CELF2: variants seen among roughly 807,000 people sequenced by gnomAD.
CELF2 encodes CUG triplet repeat RNA-binding protein 2.
In CELF2, 8 loss-of-function variants were observed where a neutral mutation model predicts 62.6. The ratio of observed to expected loss-of-function variants is 0.13; its 90% CI spans 0.07 to 0.23. The LOEUF is 0.23. Among genes scored for constraint, CELF2 ranks in the 10% least tolerant of loss-of-function variants. The pLI is 1.00. For synonymous variants in CELF2, 258 were observed against 250.0 expected, an observed-to-expected ratio of 1.03 and a Z score of -0.30; for missense variants, 333 against 671.0, an observed-to-expected ratio of 0.50 and a Z score of 5.56.
At position 11,279,722 on chromosome 10, in the gene CELF2, A is replaced by T. The variant is rs565693481; in HGVS notation, c.841+4602A>T. On this transcript the variant is annotated intron_variant, in intron 8 of 12. Transcript: ENST00000633077. Reference sequence around the variant, plus strand: ...AAGGTGAACATTAAATTAAATTTTCATGCCCTTCTCCTTATAAATAATTTT... The same window carrying T: ...AAGGTGAACATTAAATTAAATTTTCTTGCCCTTCTCCTTATAAATAATTTT... Among the ~76,000 whole-genome samples the T allele has an allele frequency of 2.4e-4, 36 of 152,322 alleles. 1 individual carries two copies. In the South Asian group the frequency reaches 7.1e-3, roughly 30 times the overall value.
rs1041482337 is a variant in CELF2 at position 11,320,999 on chromosome 10, T to C, written c.1097-190T>C. ...CCTAGGGAGTGAGGGTTCTCATGGC[T>C]TAGGTCATTTTCCCCCATTATCACG... On this transcript the variant is annotated intron_variant, in intron 10 of 12. Coordinates refer to ENST00000633077, the MANE Select transcript of CELF2 (RefSeq NM_001326342.2). 9 of 1,398,344 alleles carry C rather than the reference T, an allele frequency of 6.4e-6. No individual in the cohort carries two copies. The African/African-American group carries it at 8.7e-5, about 14-fold the overall frequency. The allele number at this position is 1,398,344 out of a possible 1,614,324, so 86.6% of individuals were successfully genotyped here. A position where few individuals can be genotyped will look rare whatever the true frequency, so the allele number is the denominator to read the frequency against.
At chr10:11,133,026 A>G (rs1055588896) in intron 1 of CELF2, among the ~76,000 whole-genome samples, 1 of 152,220 alleles carries the variant, frequency 6.6e-6, no homozygotes, top group African/African-American at 2.4e-5. Flanking sequence ...TCCATTGATT[A>G]AATACTCCTG....
Position 11,018,065 on chromosome 10 carries a change from G to T in CELF2, c.-25G>T, listed in dbSNP as rs759230394. 7.0e-7 allele frequency: 1 copy of T among 1,419,780 alleles called. No homozygotes were observed. 87.9% of individuals were successfully genotyped at this position (1,419,780 alleles called of 1,614,324 possible). ...GACGCGCGCAGAGCCGCCCCCCGCCGCTGCCGCCGCGTGCGCCCGCGAACA... is the reference window on the plus strand; with the variant it reads ...GACGCGCGCAGAGCCGCCCCCCGCCTCTGCCGCCGCGTGCGCCCGCGAACA... On this transcript the variant is annotated 5_prime_UTR_variant, in exon 1 of 13. Transcript: ENST00000633077.
At chr10:11,084,731 T>G (rs1202892632) in intron 1 of CELF2, among the ~76,000 whole-genome samples, 1 of 151,326 alleles carries the variant, frequency 6.6e-6, no homozygotes, top group Non-Finnish European at 1.5e-5. Flanking sequence ...TTAGTAAAAG[T>G]CCCTAGGAAA....
chr10:10,766,918 C>G, the CELF2 span, among the ~76,000 whole-genome samples: 2 of 152,152 alleles, frequency 1.3e-5, no homozygotes, highest in African/African-American at 4.8e-5. Context: ...CCTTCTAAGC[C>G]CCTGATGGAG....
In CELF2 at chr10:11,325,846, G is replaced by A. The variant is rs983474872; in HGVS notation, c.1305G>A (p.Gly435=). Residue 435 remains glycine, a synonymous_variant, in exon 12 of 13, where the codon GGG becomes GGA. Transcript: ENST00000633077. ...TTTTTTCCTCCTTAGGTCCAGAGGGGGCAAACCTCTTTATTTACCACCTTC... is the reference window on the plus strand; with the variant it reads ...TTTTTTCCTCCTTAGGTCCAGAGGGAGCAAACCTCTTTATTTACCACCTTC... The part of the protein sequence containing the change: ...AAGSQKEGPE[G]ANLFIYHLPQ... The A allele has an allele frequency of 1.9e-6, 3 of 1,613,322 alleles. No individual in the cohort carries two copies. The highest frequency in any genetic ancestry group is 4.5e-5 in the East Asian group (2 of 44,874).
rs1200561865 is a variant in CELF2, at chr10:11,119,657, GA to G, written c.75-45822del. On this transcript the variant is annotated intron_variant, in intron 1 of 12. Coordinates refer to ENST00000633077, the MANE Select transcript of CELF2 (RefSeq NM_001326342.2). ...TTATTTTAAAAATCAAAAACCCTAG[GA>G]AAAAAATGAGTGAGGGATACAAACA... 2.0e-5 allele frequency among the ~76,000 whole-genome samples: 3 copies of G among 151,616 alleles called. No homozygotes were observed. The East Asian group carries it at 5.8e-4, about 29-fold the overall frequency.
rs1472647663 is a variant in CELF2 at position 11,329,524 on chromosome 10, C to A, written c.*471C>A. 3 of 152,666 alleles carry A rather than the reference C, an allele frequency of 2.0e-5. No homozygotes were observed. Among genetic ancestry groups the A allele is most frequent in the Non-Finnish European group, 4.4e-5 (3 of 68,082 alleles). The allele number at this position is 152,666 out of a possible 1,614,324, so 9.5% of individuals were successfully genotyped here. ...CCGGCGCCCGCCCCCGGAGGGAGGG[C>A]CCGGTGCTTAGAGGTTAACTTGGTG... is the stretch of plus-strand genomic sequence containing the variant. On this transcript the variant is annotated 3_prime_UTR_variant, in exon 13 of 13. Transcript: ENST00000633077. This position sits in a 1 kb window ranked among gnomAD's most constrained non-coding sequence, Gnocchi z 5.5.
At chr10:10,627,704 A>G in the CELF2 span, among the ~76,000 whole-genome samples, 9 of 152,192 alleles carry the variant, frequency 5.9e-5, no homozygotes, top group Non-Finnish European at 5.9e-5. Context: ...CCTTGAACCC[A>G]GCAGCCCCTC....
intron 2 of CELF2, among the ~76,000 whole-genome samples, chr10:10,954,285 G>C (rs113561364): frequency 6.7e-6 from 1 of 150,324 alleles, no homozygotes; most frequent in Non-Finnish European, 1.5e-5. Context: ...TTGTTCTGTC[G>C]CCCAGGCTGG....
chr10:11,314,452 C>T lies in CELF2; in HGVS notation c.1096+194C>T, dbSNP rs1430948096. ...TTGCCTCAGAAAATCCCCAACCACT[C>T]TCCACCCCCAGATTCTCTTCAGTGT... On this transcript the variant is annotated intron_variant, in intron 10 of 12. Coordinates refer to ENST00000633077, the MANE Select transcript of CELF2 (RefSeq NM_001326342.2). The surrounding 1 kb of genome is among the most constrained non-coding windows in gnomAD (Gnocchi z 5.3). 2.9e-6 allele frequency: 2 copies of T among 690,904 alleles called. No individual in the cohort carries two copies. Among genetic ancestry groups the T allele is most frequent in the Admixed American group, 2.1e-5 (1 of 48,510 alleles). The allele number at this position is 690,904 out of a possible 1,614,324, so 42.8% of individuals were successfully genotyped here. A position where few individuals can be genotyped will look rare whatever the true frequency, so the allele number is the denominator to read the frequency against.
At chr10:10,926,788 A>G (rs1299989853) in intron 2 of CELF2, among the ~76,000 whole-genome samples, 4 of 152,140 alleles carry the variant, frequency 2.6e-5, no homozygotes, top group Non-Finnish European at 4.4e-5. Context: ...TAAGGGGAGA[A>G]TGGATTGTAA....
At chr10:10,620,000 C>A in the CELF2 span, among the ~76,000 whole-genome samples, 1 of 151,822 alleles carries the variant, frequency 6.6e-6, no homozygotes. Context: ...ACCCTTTAGC[C>A]AAGTATCACG....
chr10:10,488,714 G>A, the CELF2 span, among the ~76,000 whole-genome samples: 4 of 151,920 alleles, frequency 2.6e-5, no homozygotes, highest in Non-Finnish European at 5.9e-5. Flanking sequence ...TATAATGATG[G>A]TATTAAGAAA....
chr10:11,261,062 C>T (rs1216245612), intron 5 of CELF2, among the ~76,000 whole-genome samples: 1 of 152,188 alleles, frequency 6.6e-6, no homozygotes, highest in Non-Finnish European at 1.5e-5. Context: ...TGCACAGTAC[C>T]TTCTAACACA....
At chr10:10,476,942 G>T in the CELF2 span, among the ~76,000 whole-genome samples, 2 of 151,848 alleles carry the variant, frequency 1.3e-5, no homozygotes, top group Non-Finnish European at 2.9e-5. Flanking sequence ...GTGATCCTTT[G>T]GTAACTCAGG....
At chr10:10,775,621 A>AT in the CELF2 span, among the ~76,000 whole-genome samples, 274 of 146,096 alleles carry the variant, frequency 1.9e-3, 2 homozygotes, top group South Asian at 0.014. Context: ...CTCAAAAAAA[A>AT]AAAAATATAT....
the CELF2 span, among the ~76,000 whole-genome samples, chr10:10,518,576 A>G: frequency 6.6e-6 from 1 of 152,210 alleles, no homozygotes; most frequent in Non-Finnish European, 1.5e-5. Context: ...GCTGCAAAGT[A>G]TTAACCAAGA....
the CELF2 span, among the ~76,000 whole-genome samples, chr10:10,668,151 G>T: frequency 6.6e-6 from 1 of 152,088 alleles, no homozygotes; most frequent in Non-Finnish European, 1.5e-5. Context: ...CAGTTTTATG[G>T]CAATATAATT....
Sources: allele counts gnomAD v4.1 joint callset (sites outside exome capture counted in the v4.1 genomes callset), GRCh38; gene constraint gnomAD v4.1.1; non-coding constraint Gnocchi (gnomAD v3.1); transcripts MANE v1.5; gene names NCBI Gene and HGNC (gene_info 2026-07-23, HGNC 2026-07-21).